M6PR: variants seen among roughly 807,000 people sequenced by gnomAD.
M6PR encodes the protein cation-dependent mannose-6-phosphate receptor.
A neutral mutation model predicts 33.1 loss-of-function variants in M6PR; 19 were observed. The observed-to-expected ratio is 0.57, with a 90% CI of 0.40 to 0.84. The LOEUF (loss-of-function observed/expected upper bound fraction) is 0.84. Among genes scored for constraint, M6PR ranks in the 40% least tolerant of loss-of-function variants. M6PR has a pLI of 0.00. For missense variants in M6PR, 295 were observed against 336.0 expected, an observed-to-expected ratio of 0.88 and a Z score of 0.95; for synonymous variants, 111 against 123.4, an observed-to-expected ratio of 0.90 and a Z score of 0.67.
At chr12:8,945,656 T>C in intron 2 of M6PR, 72 bp from the exon 3 acceptor site, 1 of 1,274,796 alleles carries the variant, frequency 7.8e-7, no homozygotes, top group Non-Finnish European at 1.1e-6. Flanking sequence ...AGCATCCCTT[T>C]CCTTAATTAA....
chr12:8,945,998 A>G (rs893275521), intron 2 of M6PR, among the ~76,000 whole-genome samples: 2 of 152,190 alleles, frequency 1.3e-5, no homozygotes, highest in African/African-American at 4.8e-5. Flanking sequence ...AAGTCCTATT[A>G]TATGTAGGTG....
intron 1 of M6PR, among the ~76,000 whole-genome samples, chr12:8,948,906 C>G (rs905959884): frequency 6.6e-6 from 1 of 152,180 alleles, no homozygotes; most frequent in Non-Finnish European, 1.5e-5. Flanking sequence ...AAAGCAGCCT[C>G]AATTGGCTAA....
intron 5 of M6PR, among the ~76,000 whole-genome samples, 184 bp from the exon 6 acceptor site, chr12:8,942,726 G>C (rs1946036170): frequency 6.6e-6 from 1 of 152,214 alleles, no homozygotes; most frequent in Non-Finnish European, 1.5e-5. Flanking sequence ...AGTGCTGTCA[G>C]TCCAAGAGAA....
In M6PR at chr12:8,949,120, C is replaced by G. The variant is rs1565531619; in HGVS notation, c.-2+368G>C. ...CTGTCTAGTGTCCCGACTTTCCAAG[C>G]GCTTGTAGCCATACCCTCTCCAAAT... On this transcript the variant is annotated intron_variant, in intron 1 of 6. Coordinates refer to ENST00000000412, the MANE Select transcript of M6PR (RefSeq NM_002355.4). This position sits in a 1 kb window ranked among gnomAD's most constrained non-coding sequence, Gnocchi z 5.6. Among the ~76,000 whole-genome samples the G allele has an allele frequency of 6.6e-6, 1 of 152,138 alleles. No individual in the cohort carries two copies. The highest frequency in any genetic ancestry group is 1.5e-5 in the Non-Finnish European group (1 of 68,034).
intron 4 of M6PR, 60 bp from the exon 5 acceptor site, chr12:8,943,595 AAAT>A: frequency 6.2e-7 from 1 of 1,607,614 alleles, no homozygotes; most frequent in Non-Finnish European, 8.5e-7. Context: ...CTGTCCAACA[AAAT>A]AAAAAACCCA....
In M6PR at chr12:8,946,279, T is replaced by C. The variant is rs776406228; in HGVS notation, c.126A>G (p.Ser42=). ...CDLVGEKGKE[S]EKELALVKRL... is the part of the protein sequence containing the mutation. ...TCTTCACTAGAGCCAACTCTTTCTC[T>C]GACTCTTTACCCTTTTCTCCTACCA... Residue 42 remains serine (S), a synonymous_variant, in exon 2 of 7, where the codon TCA becomes TCG. Transcript: ENST00000000412. 2 of 1,614,114 alleles carry C rather than the reference T, an allele frequency of 1.2e-6. No individual in the cohort carries two copies. Among genetic ancestry groups the C allele is most frequent in the Admixed American group, 3.3e-5 (2 of 60,010 alleles).
At position 8,949,627 on chromosome 12, in the gene M6PR, C is replaced by T. The variant is rs765469415; in HGVS notation, c.-141G>A. On this transcript the variant is annotated 5_prime_UTR_variant, in exon 1 of 7. Transcript: ENST00000000412. This position sits in a 1 kb window ranked among gnomAD's most constrained non-coding sequence, Gnocchi z 5.6. The stretch of plus-strand genomic sequence containing the variant: ...TCAGAGGCCAGCGTTCCCCCTAGCG[C>T]CTCGCTGTGCCCCACTCTGGGAACC... The T allele has an allele frequency of 6.6e-6, 1 of 152,084 alleles. No individual in the cohort carries two copies. The highest frequency in any genetic ancestry group is 1.9e-4 in the East Asian group (1 of 5,136). The allele number at this position is 152,084 out of a possible 1,614,324, so 9.4% of individuals were successfully genotyped here.
intron 1 of M6PR, among the ~76,000 whole-genome samples, chr12:8,947,676 T>C (rs1037534560): frequency 2.6e-5 from 4 of 152,218 alleles, no homozygotes; most frequent in African/African-American, 9.6e-5. Flanking sequence ...AATACAATTA[T>C]TGTTGCTATT....
At chr12:8,946,196 T>A (rs1164472279) in intron 2 of M6PR, 33 bp downstream of exon 2, 1 of 1,583,308 alleles carries the variant, frequency 6.3e-7, no homozygotes, top group Non-Finnish European at 8.6e-7. Flanking sequence ...ACATAAATAT[T>A]TTCTCAAGCT....
chr12:8,944,108 A>T (rs878936187), intron 3 of M6PR, among the ~76,000 whole-genome samples, 198 bp from the exon 4 acceptor site: 1 of 152,258 alleles, frequency 6.6e-6, no homozygotes, highest in South Asian at 2.1e-4. Context: ...TTAAGACAAG[A>T]ATCAGATATT....
In M6PR at chr12:8,945,489, A is replaced by G; in HGVS notation, c.272T>C (p.Val91Ala). 6.2e-7 allele frequency: 1 copy of G among 1,614,006 alleles called. No individual in the cohort carries two copies. Among genetic ancestry groups the G allele is most frequent in the Non-Finnish European group, 8.5e-7 (1 of 1,179,992 alleles). The change falls in exon 3 of 7, where the codon GTG (valine) becomes GCG (alanine). Residue 91 changes from valine (V) to alanine (A), a missense_variant. By Grantham distance (64) the Val-to-Ala change is moderately conservative. Transcript: ENST00000000412. ...CTTCCCATTACTTTTGTTGATTTGCACCAGGCCTGCCCCAGAAGTGTGGTT... is the reference window on the plus strand; with the variant it reads ...CTTCCCATTACTTTTGTTGATTTGCGCCAGGCCTGCCCCAGAAGTGTGGTT... ...AGNHTSGAGL[V>A]QINKSNGKET...
intron 2 of M6PR, 131 bp downstream of exon 2, chr12:8,946,098 C>T (rs1463618622): frequency 2.4e-5 from 20 of 823,560 alleles, no homozygotes; most frequent in Non-Finnish European, 3.7e-5. Context: ...AAACTGCACA[C>T]AGCAACTAAA....
intron 3 of M6PR, among the ~76,000 whole-genome samples, chr12:8,944,921 G>C (rs1287759277): frequency 6.6e-6 from 1 of 152,098 alleles, no homozygotes; most frequent in African/African-American, 2.4e-5. Context: ...AGCACCTTGG[G>C]AGGCCAAGGT....
In M6PR at chr12:8,941,868, G is replaced by C; in HGVS notation, c.784C>G (p.Gln262Glu). 6.2e-7 allele frequency: 1 copy of C among 1,614,100 alleles called. No individual in the cohort carries two copies. The highest frequency in any genetic ancestry group is 8.5e-7 in the Non-Finnish European group (1 of 1,180,008). The change falls in exon 7 of 7, where the codon CAG becomes GAG. Residue 262 changes from glutamine to glutamate, a missense_variant. Gln to Glu is a conservative substitution (Grantham distance 29). Coordinates refer to ENST00000000412, the MANE Select transcript of M6PR (RefSeq NM_002355.4). Reference protein sequence around the residue: ...PAAYRGVGDDQLGEESEERDD... With the variant: ...PAAYRGVGDDELGEESEERDD... ...CTTTCTTCTGACTCCTCCCCCAGCT[G>C]GTCATCCCCCACACCACGATATGCT...
In M6PR at chr12:8,941,805, T is replaced by TA. The variant is rs781416108; in HGVS notation, c.*12dup. Reference sequence around the variant, plus strand: ...GGGGGACTGAGGAAGAGGCTGGACATATAAAGTGCAATCTACATTGGTAAT... The same window carrying TA: ...GGGGGACTGAGGAAGAGGCTGGACATAATAAAGTGCAATCTACATTGGTAAT... On this transcript the variant is annotated 3_prime_UTR_variant, in exon 7 of 7. Coordinates refer to ENST00000000412, the MANE Select transcript of M6PR (RefSeq NM_002355.4). 1 of 1,614,038 alleles carries TA rather than the reference T, an allele frequency of 6.2e-7. No homozygotes were observed. Among genetic ancestry groups the TA allele is most frequent in the Admixed American group, 1.7e-5 (1 of 60,016 alleles).
rs1243366243 is a variant in M6PR at position 8,945,471 on chromosome 12, T to A, written c.290A>T (p.Asn97Ile). The change falls in exon 3 of 7, where the codon AAT (asparagine) becomes ATT (isoleucine). Residue 97 changes from asparagine (N) to isoleucine (I), a missense_variant. Physicochemically the swap from Asn to Ile is moderately radical, Grantham distance 149. Coordinates refer to ENST00000000412, the MANE Select transcript of M6PR (RefSeq NM_002355.4). ...GAGLVQINKS[N>I]GKETVVGRLN... ...TCTCCCTACCACTGTCTCCTTCCCA[T>A]TACTTTTGTTGATTTGCACCAGGCC... is the stretch of plus-strand genomic sequence containing the variant. 2.5e-6 allele frequency: 4 copies of A among 1,614,010 alleles called. No homozygotes were observed. The highest frequency in any genetic ancestry group is 3.4e-6 in the Non-Finnish European group (4 of 1,180,022).
chr12:8,946,376 G>A lies in M6PR; in HGVS notation c.29C>T (p.Thr10Ile). 1.2e-6 allele frequency: 2 copies of A among 1,613,482 alleles called. No homozygotes were observed. The highest frequency in any genetic ancestry group is 1.7e-6 in the Non-Finnish European group (2 of 1,179,848). MFPFYSCWRTGLLLLLLAVA... is the reference protein window; with the variant it reads MFPFYSCWRIGLLLLLLAVA... Reference sequence around the variant, plus strand: ...AGCCAGGAGTAGTAGTAGCAGTCCAGTCCTCCAGCAGCTGTAGAAAGGGAA... The same window carrying A: ...AGCCAGGAGTAGTAGTAGCAGTCCAATCCTCCAGCAGCTGTAGAAAGGGAA... The change falls in exon 2 of 7, where the codon ACT becomes ATT. Residue 10 changes from threonine to isoleucine, a missense_variant. Transcript: ENST00000000412.
intron 1 of M6PR, among the ~76,000 whole-genome samples, chr12:8,948,873 C>T (rs1946146363): frequency 6.6e-6 from 1 of 152,206 alleles, no homozygotes; most frequent in Non-Finnish European, 1.5e-5. Flanking sequence ...ATCCCTTTTT[C>T]TCCAGCAGCC....
rs1440109886 is a variant in M6PR at position 8,941,859 on chromosome 12, C to T, written c.793G>A (p.Glu265Lys). 2 of 1,613,966 alleles carry T rather than the reference C, an allele frequency of 1.2e-6. No individual in the cohort carries two copies. Among genetic ancestry groups the T allele is most frequent in the Non-Finnish European group, 1.7e-6 (2 of 1,179,982 alleles). Residue 265 changes from glutamate (E) to lysine (K), a missense_variant, in exon 7 of 7, where the codon GAG (glutamate) becomes AAG (lysine). By Grantham distance (56) the Glu-to-Lys change is moderately conservative. Coordinates refer to ENST00000000412, the MANE Select transcript of M6PR (RefSeq NM_002355.4). ...TGGTCATCCCTTTCTTCTGACTCCT[C>T]CCCCAGCTGGTCATCCCCCACACCA... ...YRGVGDDQLG[E>K]ESEERDDHLL...
Sources: allele counts gnomAD v4.1 joint callset (sites outside exome capture counted in the v4.1 genomes callset), GRCh38; gene constraint gnomAD v4.1.1; non-coding constraint Gnocchi (gnomAD v3.1); transcripts MANE v1.5; gene names NCBI Gene and HGNC (gene_info 2026-07-23, HGNC 2026-07-21).